The following LTBP2 variants were observed in gnomAD, a reference collection of about 807,000 sequenced individuals.
LTBP2 encodes the protein latent-transforming growth factor beta-binding protein 2.
LTBP2 carries 103 observed loss-of-function variants against 210.6 expected under a neutral mutation model. That is an observed-to-expected ratio of 0.49 (90% CI 0.42 to 0.58). The LOEUF (loss-of-function observed/expected upper bound fraction) is 0.58. Among genes scored for constraint, LTBP2 ranks in the 20% least tolerant of loss-of-function variants. The pLI is 0.00. For missense variants in LTBP2, 2,313 were observed against 2,494.5 expected, an observed-to-expected ratio of 0.93 and a Z score of 1.55; for synonymous variants, 1,007 against 1,015.0, an observed-to-expected ratio of 0.99 and a Z score of 0.15.
At chr14:74,506,860 T>C (rs1166556281) in intron 26 of LTBP2, 37 bp from the exon 27 acceptor site, 1 of 1,529,036 alleles carries the variant, frequency 6.5e-7, no homozygotes. Flanking sequence ...AGGATGTGTG[T>C]GTGTGTGTGT....
intron 3 of LTBP2, among the ~76,000 whole-genome samples, chr14:74,559,213 G>C (rs2087763468): frequency 6.6e-6 from 1 of 152,122 alleles, no homozygotes; most frequent in African/African-American, 2.4e-5. Context: ...AAAGACTCCA[G>C]AAAAAAGTGT....
intron 6 of LTBP2, 39 bp from the exon 7 acceptor site, chr14:74,551,389 GC>G: frequency 6.6e-7 from 1 of 1,510,018 alleles, no homozygotes; most frequent in Non-Finnish European, 8.9e-7. Context: ...GGGAAGCAGG[GC>G]CCCACCCTCA....
In LTBP2 at chr14:74,509,267, C is replaced by A; in HGVS notation, c.3374G>T (p.Arg1125Leu). Reference protein sequence around the residue: ...FSCKDCDGGYRPSPLGDSCED... With the variant: ...FSCKDCDGGYLPSPLGDSCED... ...ACAGGAGTCACCCAGGGGGCTGGGCCGGTAGCCCCCATCGCAGTCCTTGCA... is the reference window on the plus strand; with the variant it reads ...ACAGGAGTCACCCAGGGGGCTGGGCAGGTAGCCCCCATCGCAGTCCTTGCA... The change falls in exon 22 of 36, where the codon CGG (arginine) becomes CTG (leucine). Residue 1125 changes from arginine to leucine, a missense_variant. Physicochemically the swap from Arg to Leu is moderately radical, Grantham distance 102 (BLOSUM62 -2). Around this residue, in one of 3 missense-constraint regions of LTBP2, gnomAD observed 1,867 missense variants for 1,976.9 expected, o/e 0.94. Coordinates refer to ENST00000261978, the MANE Select transcript of LTBP2 (RefSeq NM_000428.3). The A allele has an allele frequency of 6.2e-7, 1 of 1,613,610 alleles. No individual in the cohort carries two copies. The highest frequency in any genetic ancestry group is 8.5e-7 in the Non-Finnish European group (1 of 1,179,976).
In LTBP2 at chr14:74,503,232, G is replaced by A. The variant is rs552326381; in HGVS notation, c.4875C>T (p.Pro1625=). The A allele has an allele frequency of 9.3e-6, 15 of 1,614,056 alleles. No individual in the cohort carries two copies. The African/African-American group carries it at 1.2e-4, about 13-fold the overall frequency. ...EAWSQQCALC[P]PRSSEVYAQL... ...GCTCCCCCTCACCAGAGCTCCTCGGGGGACACAGAGCACACTGCTGGCTCC... is the reference window on the plus strand; with the variant it reads ...GCTCCCCCTCACCAGAGCTCCTCGGAGGACACAGAGCACACTGCTGGCTCC... Residue 1625 remains proline, a synonymous_variant, in exon 33 of 36, where the codon CCC becomes CCT. Coordinates refer to ENST00000261978, the MANE Select transcript of LTBP2 (RefSeq NM_000428.3).
Position 74,499,253 on chromosome 14 carries a change from G to GT in LTBP2, c.*1630dup, listed in dbSNP as rs1268727817. ...TGAGTGAAAGAATATTTTTACATGC[G>GT]TAAGAGTGACTTATTTTTGTCTGCT... On this transcript the variant is annotated 3_prime_UTR_variant, in exon 36 of 36. Transcript: ENST00000261978. 1 of 217,180 alleles carries GT rather than the reference G, an allele frequency of 4.6e-6. No individual in the cohort carries two copies. The highest frequency in any genetic ancestry group is 2.3e-5 in the African/African-American group (1 of 44,410). The allele number at this position is 217,180 out of a possible 1,614,324, so 13.5% of individuals were successfully genotyped here.
intron 3 of LTBP2, among the ~76,000 whole-genome samples, chr14:74,578,164 C>G (rs1182175673): frequency 6.6e-6 from 1 of 152,052 alleles, no homozygotes; most frequent in Admixed American, 6.5e-5. Context: ...CATCCTGCCT[C>G]AGTTTCCCCA....
chr14:74,586,197 G>A lies in LTBP2; in HGVS notation c.566-79C>T. On this transcript the variant is annotated intron_variant, in intron 2 of 35. Coordinates refer to ENST00000261978, the MANE Select transcript of LTBP2 (RefSeq NM_000428.3). This position sits in a 1 kb window ranked among gnomAD's most constrained non-coding sequence, Gnocchi z 4.6. ...AGCTGCCCACACCTTCCTGTCAGAA[G>A]GGCCCTCCTGAGTGCTGCAACCCTG... is the stretch of plus-strand genomic sequence containing the variant. The A allele has an allele frequency of 6.7e-7, 1 of 1,485,290 alleles. No homozygotes were observed. The highest frequency in any genetic ancestry group is 9.1e-7 in the Non-Finnish European group (1 of 1,099,694). The allele number at this position is 1,485,290 out of a possible 1,614,324, so 92.0% of individuals were successfully genotyped here.
intron 15 of LTBP2, among the ~76,000 whole-genome samples, chr14:74,524,779 C>A (rs2087250364): frequency 6.6e-6 from 1 of 152,184 alleles, no homozygotes. Flanking sequence ...CCTGGAAGAG[C>A]CAGGATCCCA....
chr14:74,592,272 G>A (rs1047067077), intron 2 of LTBP2, among the ~76,000 whole-genome samples: 1 of 152,194 alleles, frequency 6.6e-6, no homozygotes, highest in Non-Finnish European at 1.5e-5. Context: ...AGTTCCATGC[G>A]GTGCTGTGGG....
chr14:74,564,137 T>TTA (rs1203936572), intron 3 of LTBP2, among the ~76,000 whole-genome samples: 3 of 6,870 alleles, frequency 4.4e-4, no homozygotes, highest in East Asian at 4.8e-3. Flanking sequence ...ATATATATAT[T>TTA]TATATATATA....
intron 3 of LTBP2, among the ~76,000 whole-genome samples, chr14:74,561,195 G>A (rs2087789071): frequency 6.6e-6 from 1 of 152,260 alleles, no homozygotes; most frequent in South Asian, 2.1e-4. Context: ...GTGGGCACCT[G>A]TAGTCTCAGC....
In LTBP2 at chr14:74,524,582, G is replaced by A. The variant is rs142628323; in HGVS notation, c.2530+542C>T. On this transcript the variant is annotated intron_variant, in intron 15 of 35. Transcript: ENST00000261978. ...TAAGGAGGGCACATTCCAGAGCAAG[G>A]TGGATTTGCCAGGATCGCCCCCACA... Among the ~76,000 whole-genome samples the A allele has an allele frequency of 3.6e-3, 542 of 152,284 alleles. 1 individual carries two copies. The highest frequency in any genetic ancestry group is 0.011 in the African/African-American group (471 of 41,560).
intron 4 of LTBP2, among the ~76,000 whole-genome samples, chr14:74,554,576 G>A (rs1321828966): frequency 6.6e-5 from 10 of 152,176 alleles, no homozygotes; most frequent in Admixed American, 2.0e-4. Context: ...TACATTGTAC[G>A]ACTCCATTCA....
rs1224907972 is a variant in LTBP2, at chr14:74,499,874, G to A, written c.*1010C>T. 1.7e-5 allele frequency: 4 copies of A among 231,048 alleles called. No homozygotes were observed. The highest frequency in any genetic ancestry group is 8.9e-5 in the African/African-American group (4 of 45,188). 14.3% of individuals were successfully genotyped at this position (231,048 alleles called of 1,614,324 possible). Reference sequence around the variant, plus strand: ...TGCCATCGTTTTCTGAAGGGAAAGGGCAGGGGTTTCTGAGTGGAGGGGAAA... The same window carrying A: ...TGCCATCGTTTTCTGAAGGGAAAGGACAGGGGTTTCTGAGTGGAGGGGAAA... On this transcript the variant is annotated 3_prime_UTR_variant, in exon 36 of 36. Coordinates refer to ENST00000261978, the MANE Select transcript of LTBP2 (RefSeq NM_000428.3).
At chr14:74,583,891 T>A (rs980290124) in intron 3 of LTBP2, among the ~76,000 whole-genome samples, 15 of 152,150 alleles carry the variant, frequency 9.9e-5, no homozygotes, top group African/African-American at 3.6e-4. Context: ...AGTGCTGCGC[T>A]AGGGAAAAAT....
At chr14:74,609,980 T>A (rs1387744055) in intron 1 of LTBP2, among the ~76,000 whole-genome samples, 2 of 152,222 alleles carry the variant, frequency 1.3e-5, no homozygotes, top group Admixed American at 1.3e-4. Flanking sequence ...TGATCCTATG[T>A]GTAAGCGACT....
intron 4 of LTBP2, 129 bp downstream of exon 4, chr14:74,555,374 G>T: frequency 9.9e-7 from 1 of 1,007,250 alleles, no homozygotes; most frequent in Non-Finnish European, 1.5e-6. Context: ...AGCGTTTGTT[G>T]ATTGGCTGAA....
At chr14:74,569,667 C>T (rs2087949753) in intron 3 of LTBP2, among the ~76,000 whole-genome samples, 1 of 152,188 alleles carries the variant, frequency 6.6e-6, no homozygotes, top group Non-Finnish European at 1.5e-5. Flanking sequence ...GCTGGGGCGT[C>T]AGAGTCCTTC....
chr14:74,606,615 G>A (rs2088529989), intron 1 of LTBP2, among the ~76,000 whole-genome samples: 1 of 152,174 alleles, frequency 6.6e-6, no homozygotes. Flanking sequence ...TTAGGAGTCT[G>A]AGGTGGGCAG....
Sources: allele counts gnomAD v4.1 joint callset (sites outside exome capture counted in the v4.1 genomes callset), GRCh38; gene constraint gnomAD v4.1.1; regional missense constraint gnomAD v4.1.1; non-coding constraint Gnocchi (gnomAD v3.1); transcripts MANE v1.5; gene names NCBI Gene and HGNC (gene_info 2026-07-23, HGNC 2026-07-21).